The following LDB1 variants were observed in gnomAD, a reference collection of about 807,000 sequenced individuals.
LDB1 encodes LIM domain-binding protein 1.
In LDB1, 6 loss-of-function variants were observed where a neutral mutation model predicts 49.7. The observed-to-expected ratio is 0.12, with a 90% CI of 0.07 to 0.24. The LOEUF is 0.24. Ranked by LOEUF, LDB1 falls within the 10% of genes least tolerant of loss-of-function variation. The pLI, the probability that LDB1 is intolerant of heterozygous loss-of-function variation, is 1.00. For missense variants in LDB1, 341 were observed against 561.7 expected (o/e 0.61, Z 3.97); for synonymous variants, 233 against 202.0 (o/e 1.15, Z -1.30).
At chr10:102,112,530 G>A (rs2068270129) in intron 1 of LDB1, among the ~76,000 whole-genome samples, 1 of 152,168 alleles carries the variant, frequency 6.6e-6, no homozygotes, top group African/African-American at 2.4e-5. Flanking sequence ...TGTTGGGTGT[G>A]GCCTACCAGA....
chr10:102,114,374 C>G, intron 1 of LDB1: 1 of 986,312 alleles, frequency 1.0e-6, no homozygotes, highest in Non-Finnish European at 1.2e-6. Context: ...TTCCGCCCAC[C>G]CCCAACAGGC....
chr10:102,107,221 A>G lies in LDB1; in HGVS notation c.*872T>C, dbSNP rs1313347654. Among the ~76,000 whole-genome samples the G allele has an allele frequency of 6.6e-6, 1 of 152,062 alleles. No homozygotes were observed. Among genetic ancestry groups the G allele is most frequent in the South Asian group, 2.1e-4 (1 of 4,832 alleles). On this transcript the variant is annotated 3_prime_UTR_variant, in exon 11 of 11. Coordinates refer to ENST00000673968, the MANE Select transcript of LDB1 (RefSeq NM_001113407.3). Reference sequence around the variant, plus strand: ...AGGACTTGTAAGGAATATACATACCATGGGGGTGGGGCTGGAAGAGAGGGA... The same window carrying G: ...AGGACTTGTAAGGAATATACATACCGTGGGGGTGGGGCTGGAAGAGAGGGA...
chr10:102,114,575 C>A (rs1382127520), intron 1 of LDB1: 6 of 985,522 alleles, frequency 6.1e-6, no homozygotes, highest in Admixed American at 6.1e-5. Flanking sequence ...AAGACTCGCA[C>A]GCACTGCCTC....
chr10:102,111,416 GC>G lies in LDB1; in HGVS notation c.128+17del. The G allele has an allele frequency of 6.3e-6, 10 of 1,597,104 alleles. No individual in the cohort carries two copies. The highest frequency in any genetic ancestry group is 8.6e-6 in the Non-Finnish European group (10 of 1,167,884). ...CCACCTGGAGAAGGGTTAGGAAGTG[GC>G]CAAGAGACTCACTTACCCCACATCC... On this transcript the variant is annotated intron_variant, in intron 2 of 10. Transcript: ENST00000673968.
At chr10:102,110,303 A>T in intron 6 of LDB1, 1 of 623,212 alleles carries the variant, frequency 1.6e-6, no homozygotes, top group Non-Finnish European at 2.8e-6. Flanking sequence ...GCTCTAAGCT[A>T]TATGAGGGCA....
chr10:102,114,655 AGGGGGCCG>A, intron 1 of LDB1: 21 of 843,176 alleles, frequency 2.5e-5, no homozygotes, highest in Non-Finnish European at 3.0e-5. Flanking sequence ...GCCGGGGGCC[AGGGGGCCG>A]GCCTGGGGGG....
Position 102,106,805 on chromosome 10 carries a change from T to G in LDB1, c.*1288A>C, listed in dbSNP as rs1241465379. ...GAGCTGGACCAGCTGCGTGAAACCC[T>G]GCTCCTGGCTGCACCCTGGCAGAGC... is the stretch of plus-strand genomic sequence containing the variant. On this transcript the variant is annotated 3_prime_UTR_variant, in exon 11 of 11. Transcript: ENST00000673968. 2.0e-5 allele frequency among the ~76,000 whole-genome samples: 3 copies of G among 152,122 alleles called. No individual in the cohort carries two copies. Among genetic ancestry groups the G allele is most frequent in the Non-Finnish European group, 4.4e-5 (3 of 68,026 alleles).
chr10:102,108,120 C>T lies in LDB1; in HGVS notation c.1209G>A (p.Glu403=). Residue 403 remains glutamate, a synonymous_variant, in exon 11 of 11, where the codon GAG becomes GAA. Transcript: ENST00000673968. Reference sequence around the variant, plus strand: ...ACTGGGAGGCCTGTGACGTGGGGTTCTCCGATTTGCTTTCTTGGCTGGACG... The same window carrying T: ...ACTGGGAGGCCTGTGACGTGGGGTTTTCCGATTTGCTTTCTTGGCTGGACG... ...KPPSSQESKS[E]NPTSQASQ The T allele has an allele frequency of 6.2e-7, 1 of 1,614,112 alleles. No individual in the cohort carries two copies. The highest frequency in any genetic ancestry group is 1.1e-5 in the South Asian group (1 of 91,090).
In LDB1 at chr10:102,109,855, A is replaced by G; in HGVS notation, c.648+66T>C. 1 of 1,586,658 alleles carries G rather than the reference A, an allele frequency of 6.3e-7. No individual in the cohort carries two copies. The highest frequency in any genetic ancestry group is 2.2e-5 in the East Asian group (1 of 44,560). On this transcript the variant is annotated intron_variant, in intron 7 of 10. Coordinates refer to ENST00000673968, the MANE Select transcript of LDB1 (RefSeq NM_001113407.3). The surrounding 1 kb of genome is among the most constrained non-coding windows in gnomAD (Gnocchi z 5.8). ...TCTAAGTAGTCAGTCGGGAAATGGC[A>G]GACCTTGTTCCACCCTTCCCCCGCC...
At chr10:102,114,090 T>C (rs916251220) in intron 1 of LDB1, among the ~76,000 whole-genome samples, 3 of 152,166 alleles carry the variant, frequency 2.0e-5, no homozygotes, top group Non-Finnish European at 2.9e-5. Flanking sequence ...GAGTCAGCCA[T>C]AGCCCCCCTC....
At chr10:102,111,885 G>T (rs1188003995) in intron 1 of LDB1, among the ~76,000 whole-genome samples, 1 of 152,102 alleles carries the variant, frequency 6.6e-6, no homozygotes, top group Non-Finnish European at 1.5e-5. Context: ...CCCCTCTTGG[G>T]AGCTGTCCGA....
rs2068175620 is a variant in LDB1, at chr10:102,107,189, CTT to C, written c.*902_*903del. 6.6e-6 allele frequency among the ~76,000 whole-genome samples: 1 copy of C among 152,106 alleles called. No individual in the cohort carries two copies. Among genetic ancestry groups the C allele is most frequent in the Non-Finnish European group, 1.5e-5 (1 of 68,022 alleles). On this transcript the variant is annotated 3_prime_UTR_variant, in exon 11 of 11. Coordinates refer to ENST00000673968, the MANE Select transcript of LDB1 (RefSeq NM_001113407.3). ...CCTCCCCGCATCCTAGACAGCTGCT[CTT>C]GTGGAGGACTTGTAAGGAATATACA...
intron 1 of LDB1, among the ~76,000 whole-genome samples, chr10:102,113,815 C>G (rs1324981688): frequency 6.7e-6 from 1 of 148,640 alleles, no homozygotes; most frequent in Non-Finnish European, 1.5e-5. Context: ...AGAGAATGAA[C>G]AGGCATTGTC....
chr10:102,109,805 C>T lies in LDB1; in HGVS notation c.648+116G>A. On this transcript the variant is annotated intron_variant, in intron 7 of 10. Coordinates refer to ENST00000673968, the MANE Select transcript of LDB1 (RefSeq NM_001113407.3). The surrounding 1 kb of genome is among the most constrained non-coding windows in gnomAD (Gnocchi z 5.8). Reference sequence around the variant, plus strand: ...ATAGTCTCTTATTAAACCTGCTGTTCAGATGAAGAAACCCTAACCCTCTGT... The same window carrying T: ...ATAGTCTCTTATTAAACCTGCTGTTTAGATGAAGAAACCCTAACCCTCTGT... 1.3e-6 allele frequency: 2 copies of T among 1,554,954 alleles called. No individual in the cohort carries two copies. Among genetic ancestry groups the T allele is most frequent in the Non-Finnish European group, 1.8e-6 (2 of 1,134,354 alleles).
At chr10:102,113,307 C>T (rs1183746681) in intron 1 of LDB1, among the ~76,000 whole-genome samples, 1 of 152,212 alleles carries the variant, frequency 6.6e-6, no homozygotes, top group Non-Finnish European at 1.5e-5. Context: ...CTTTCACCCT[C>T]AGCTCGCCCT....
chr10:102,117,520 G>A lies in LDB1; in HGVS notation c.25+2566C>T, dbSNP rs992532320. Among the ~76,000 whole-genome samples, 13 of 152,230 alleles carry A rather than the reference G, an allele frequency of 8.5e-5. No individual in the cohort carries two copies. Among genetic ancestry groups the A allele is most frequent in the African/African-American group, 3.1e-4 (13 of 41,536 alleles). ...CAGCCAGCCCCAGCCCACAGGATGA[G>A]GTACCAGCACTGCCCCCTGCCCGGG... On this transcript the variant is annotated intron_variant, in intron 1 of 10. Coordinates refer to ENST00000673968, the MANE Select transcript of LDB1 (RefSeq NM_001113407.3). This position sits in a 1 kb window ranked among gnomAD's most constrained non-coding sequence, Gnocchi z 4.2.
At position 102,117,290 on chromosome 10, in the gene LDB1, C is replaced by T. The variant is rs2068346959; in HGVS notation, c.25+2796G>A. Among the ~76,000 whole-genome samples, 1 of 152,212 alleles carries T rather than the reference C, an allele frequency of 6.6e-6. No individual in the cohort carries two copies. The highest frequency in any genetic ancestry group is 2.4e-5 in the African/African-American group (1 of 41,448). On this transcript the variant is annotated intron_variant, in intron 1 of 10. Coordinates refer to ENST00000673968, the MANE Select transcript of LDB1 (RefSeq NM_001113407.3). The surrounding 1 kb of genome is among the most constrained non-coding windows in gnomAD (Gnocchi z 4.2). Reference sequence around the variant, plus strand: ...GACTGGCAAACCATTCAAAACAGGCCTTCTAGTTATTCTCTAGCAAGTCTG... The same window carrying T: ...GACTGGCAAACCATTCAAAACAGGCTTTCTAGTTATTCTCTAGCAAGTCTG...
At chr10:102,111,593 G>T in intron 1 of LDB1, 57 bp from the exon 2 acceptor site, 1 of 1,044,390 alleles carries the variant, frequency 9.6e-7, no homozygotes, top group Non-Finnish European at 1.4e-6. Flanking sequence ...CTGTAATCTA[G>T]CACTTTGGGA....
chr10:102,119,739 T>G, intron 1 of LDB1, among the ~76,000 whole-genome samples: 1 of 126,634 alleles, frequency 7.9e-6, no homozygotes, highest in African/African-American at 3.0e-5. Context: ...AACTCTATGG[T>G]GACCTGAGGG....
Sources: allele counts gnomAD v4.1 joint callset (sites outside exome capture counted in the v4.1 genomes callset), GRCh38; gene constraint gnomAD v4.1.1; non-coding constraint Gnocchi (gnomAD v3.1); transcripts MANE v1.5; gene names NCBI Gene and HGNC (gene_info 2026-07-23, HGNC 2026-07-21).